Variants in CPQ observed in about 807,000 individuals in gnomAD.
CPQ encodes the protein carboxypeptidase Q.
In CPQ, 37 loss-of-function variants were observed where a neutral mutation model predicts 45.7. The ratio of observed to expected loss-of-function variants is 0.81; its 90% CI spans 0.62 to 1.07. The LOEUF is 1.07. Ranked by LOEUF, CPQ falls within the 50% of genes least tolerant of loss-of-function variation. The pLI, the probability that CPQ is intolerant of heterozygous loss-of-function variation, is 0.00. For synonymous variants in CPQ, 186 were observed against 205.8 expected (o/e 0.90, Z 0.82); for missense variants, 537 against 572.9 (o/e 0.94, Z 0.64).
At chr8:96,976,529 C>A (rs1813790139) in intron 5 of CPQ, among the ~76,000 whole-genome samples, 1 of 151,944 alleles carries the variant, frequency 6.6e-6, no homozygotes, top group African/African-American at 2.4e-5. Context: ...CAAAAAAGAG[C>A]CCGCATAGCC....
intron 6 of CPQ, among the ~76,000 whole-genome samples, chr8:97,046,818 A>C (rs7011934): frequency 0.16 from 24,540 of 152,102 alleles, 4,991 homozygotes; most frequent in African/African-American, 0.48. Flanking sequence ...CTTTATTATA[A>C]CTCACAGAGC....
intron 1 of CPQ, among the ~76,000 whole-genome samples, chr8:96,658,165 T>C (rs1359492929): frequency 6.6e-6 from 1 of 152,096 alleles, no homozygotes; most frequent in Non-Finnish European, 1.5e-5. Flanking sequence ...TGGCTGGAGG[T>C]ATCATAAACA....
chr8:96,660,599 G>C (rs981212137), intron 1 of CPQ, among the ~76,000 whole-genome samples: 6 of 151,830 alleles, frequency 4.0e-5, no homozygotes, highest in African/African-American at 1.5e-4. Context: ...TGTAGGTTCT[G>C]AATCAGTAGG....
At chr8:96,769,938 T>C (rs1810518356) in intron 1 of CPQ, among the ~76,000 whole-genome samples, 1 of 152,194 alleles carries the variant, frequency 6.6e-6, no homozygotes, top group African/African-American at 2.4e-5. Flanking sequence ...GCTAGCTGTA[T>C]GACAAAGATG....
intron 6 of CPQ, 58 bp downstream of exon 6, chr8:97,029,552 C>T (rs1037342166): frequency 2.1e-6 from 3 of 1,448,498 alleles, no homozygotes; most frequent in South Asian, 1.2e-5. Context: ...AAAAATCCCT[C>T]TCATTGTCCA....
chr8:96,908,103 G>A (rs1439081651), intron 4 of CPQ, among the ~76,000 whole-genome samples: 1 of 119,882 alleles, frequency 8.3e-6, no homozygotes, highest in African/African-American at 3.4e-5. Context: ...CTCCCCCACT[G>A]CAACGTGTGT....
At chr8:96,768,288 CT>C (rs71569182) in intron 1 of CPQ, among the ~76,000 whole-genome samples, 475 of 143,102 alleles carry the variant, frequency 3.3e-3, no homozygotes, top group South Asian at 0.011. Context: ...TGGCTTAACA[CT>C]TTTTTTTTTT....
intron 7 of CPQ, among the ~76,000 whole-genome samples, chr8:97,113,428 A>G (rs1367888093): frequency 6.6e-6 from 1 of 152,182 alleles, no homozygotes; most frequent in Non-Finnish European, 1.5e-5. Flanking sequence ...GTTTGGTGAG[A>G]AGCAATTACA....
intron 5 of CPQ, among the ~76,000 whole-genome samples, chr8:96,966,304 C>T (rs1466493488): frequency 6.6e-6 from 1 of 152,144 alleles, no homozygotes; most frequent in African/African-American, 2.4e-5. Context: ...CAAATGTAAC[C>T]ACACCAGCTA....
At chr8:96,678,427 C>T (rs533364485) in intron 1 of CPQ, among the ~76,000 whole-genome samples, 11 of 152,018 alleles carry the variant, frequency 7.2e-5, no homozygotes, top group Admixed American at 3.3e-4. Flanking sequence ...TTTGGATAAA[C>T]ACCCAATAGT....
At chr8:96,797,779 C>T (rs561252790) in intron 2 of CPQ, among the ~76,000 whole-genome samples, 5 of 152,074 alleles carry the variant, frequency 3.3e-5, no homozygotes, top group South Asian at 2.1e-4. Context: ...TTGCCAGGTG[C>T]GGTGGCTCAC....
In CPQ at chr8:97,041,091, T is replaced by C. The variant is rs561658125; in HGVS notation, c.1053+11597T>C. 2.1e-4 allele frequency among the ~76,000 whole-genome samples: 32 copies of C among 152,328 alleles called. No homozygotes were observed. The East Asian group carries it at 5.8e-3, about 28-fold the overall frequency. The stretch of plus-strand genomic sequence containing the variant: ...GCCTTGGGCAGTATGGACATTTTCA[T>C]GATATTGATTCTTCCTACCCATGAG... On this transcript the variant is annotated intron_variant, in intron 6 of 7. Coordinates refer to ENST00000220763, the MANE Select transcript of CPQ (RefSeq NM_016134.4).
At chr8:96,661,327 C>G (rs111975140) in intron 1 of CPQ, among the ~76,000 whole-genome samples, 2 of 152,010 alleles carry the variant, frequency 1.3e-5, no homozygotes, top group African/African-American at 4.8e-5. Flanking sequence ...ATTGATGAAC[C>G]CATATAGACA....
At chr8:96,932,125 T>C (rs947684037) in intron 4 of CPQ, among the ~76,000 whole-genome samples, 1 of 152,162 alleles carries the variant, frequency 6.6e-6, no homozygotes, top group Non-Finnish European at 1.5e-5. Context: ...ACTACCCAGA[T>C]TGAACGGTTG....
At chr8:96,718,231 T>C (rs1809710137) in intron 1 of CPQ, among the ~76,000 whole-genome samples, 1 of 152,164 alleles carries the variant, frequency 6.6e-6, no homozygotes, top group Non-Finnish European at 1.5e-5. Flanking sequence ...TCCCAACCTG[T>C]TGTGTCCGGA....
chr8:96,696,268 A>G (rs1028515631), intron 1 of CPQ, among the ~76,000 whole-genome samples: 35 of 151,482 alleles, frequency 2.3e-4, no homozygotes, highest in African/African-American at 8.2e-4. Flanking sequence ...AGGAAGGGGA[A>G]CATCACACTC....
Position 96,914,537 on chromosome 8 carries a change from T to C in CPQ, c.849+34532T>C, listed in dbSNP as rs186089770. ...TTGTGTCCACAAATCTGAAATACAA[T>C]TTTTTTGTGTGTAATAGTAATTTTC... is the stretch of plus-strand genomic sequence containing the variant. On this transcript the variant is annotated intron_variant, in intron 4 of 7. Transcript: ENST00000220763. 2.8e-4 allele frequency among the ~76,000 whole-genome samples: 42 copies of C among 152,262 alleles called. No individual in the cohort carries two copies. In the East Asian group the frequency reaches 7.3e-3, roughly 27 times the overall value.
intron 1 of CPQ, among the ~76,000 whole-genome samples, chr8:96,685,304 T>C (rs1273540277): frequency 6.6e-6 from 1 of 152,168 alleles, no homozygotes; most frequent in African/African-American, 2.4e-5. Flanking sequence ...AGAAAATCTT[T>C]ATTGCTCTGA....
chr8:96,781,652 C>G (rs1810686652), intron 1 of CPQ, among the ~76,000 whole-genome samples: 2 of 152,190 alleles, frequency 1.3e-5, no homozygotes, highest in African/African-American at 4.8e-5. Context: ...ATCCCAATAG[C>G]TCCAAAGTCT....
Sources: gnomAD v4.1 joint callset for allele counts (sites outside exome capture counted in the v4.1 genomes callset) on GRCh38, gnomAD v4.1.1 for gene constraint, MANE v1.5 for transcripts, NCBI Gene and HGNC (gene_info 2026-07-23, HGNC 2026-07-21) for gene names.